CADPS2: variants seen among roughly 807,000 people sequenced by gnomAD.
CADPS2 encodes the protein calcium-dependent secretion activator 2.
In CADPS2, 93 loss-of-function variants were observed where a neutral mutation model predicts 172.5. The observed-to-expected ratio is 0.54, with a 90% CI of 0.46 to 0.64. The LOEUF (loss-of-function observed/expected upper bound fraction) is 0.64, where lower values mean the gene tolerates loss of function less well. Ranked by LOEUF, CADPS2 falls within the 30% of genes least tolerant of loss-of-function variation. The pLI is 0.00. For synonymous variants in CADPS2, 546 were observed against 555.2 expected (o/e 0.98, Z 0.23); for missense variants, 1,420 against 1,565.9 (o/e 0.91, Z 1.57).
chr7:122,722,140 G>T (rs2137127837), intron 2 of CADPS2, among the ~76,000 whole-genome samples: 1 of 152,194 alleles, frequency 6.6e-6, no homozygotes, highest in East Asian at 1.9e-4. Flanking sequence ...ACAACACAGG[G>T]ATGCCCTCTC....
intron 2 of CADPS2, chr7:122,702,175 C>T: frequency 6.2e-7 from 1 of 1,613,702 alleles, no homozygotes; most frequent in South Asian, 1.1e-5. Context: ...TAAATAGATA[C>T]ATGATGTAAT....
chr7:122,846,181 T>G (rs1811942402), intron 1 of CADPS2, among the ~76,000 whole-genome samples: 1 of 152,092 alleles, frequency 6.6e-6, no homozygotes, highest in Non-Finnish European at 1.5e-5. Flanking sequence ...AAATATTAAG[T>G]GATAAAGGTA....
rs1287767680 is a variant in CADPS2 at position 122,404,821 on chromosome 7, G to A, written c.2746+2719C>T. Among the ~76,000 whole-genome samples the A allele has an allele frequency of 3.3e-5, 5 of 152,218 alleles. No homozygotes were observed. The South Asian group carries it at 6.2e-4, about 19-fold the overall frequency. On this transcript the variant is annotated intron_variant, in intron 20 of 29. Transcript: ENST00000449022. The stretch of plus-strand genomic sequence containing the variant: ...AGTTTTCATTCAAATAGAGAAAACA[G>A]TGTTAAAAAATATCTTACATATGGC...
chr7:122,694,889 G>A (rs528197495), intron 2 of CADPS2, among the ~76,000 whole-genome samples: 1 of 152,298 alleles, frequency 6.6e-6, no homozygotes, highest in South Asian at 2.1e-4. Context: ...GTAGCAGCAT[G>A]TAAAAATTTC....
At chr7:122,590,486 G>C (rs900657020) in intron 6 of CADPS2, among the ~76,000 whole-genome samples, 2 of 151,872 alleles carry the variant, frequency 1.3e-5, no homozygotes, top group African/African-American at 4.8e-5. Flanking sequence ...CATTCCCCTT[G>C]TATGGCTGCG....
At chr7:122,881,787 T>C (rs750651045) in intron 1 of CADPS2, among the ~76,000 whole-genome samples, 6 of 152,198 alleles carry the variant, frequency 3.9e-5, no homozygotes, top group Non-Finnish European at 8.8e-5. Flanking sequence ...CCAACAGGTA[T>C]TACCATTTTT....
chr7:122,376,829 T>C (rs1406066185), intron 25 of CADPS2, among the ~76,000 whole-genome samples: 1 of 152,156 alleles, frequency 6.6e-6, no homozygotes, highest in Non-Finnish European at 1.5e-5. Context: ...GGTTGTATAC[T>C]TACCTACAAA....
At chr7:122,857,602 G>A (rs1284519191) in intron 1 of CADPS2, among the ~76,000 whole-genome samples, 1 of 152,122 alleles carries the variant, frequency 6.6e-6, no homozygotes, top group Admixed American at 6.5e-5. Context: ...CAATTATGAG[G>A]TCCTGACATT....
At chr7:122,478,039 A>T (rs969081552) in intron 12 of CADPS2, among the ~76,000 whole-genome samples, 2 of 152,144 alleles carry the variant, frequency 1.3e-5, no homozygotes, top group Non-Finnish European at 2.9e-5. Flanking sequence ...ATAAAGATAT[A>T]TTTTCACATA....
intron 20 of CADPS2, among the ~76,000 whole-genome samples, chr7:122,404,238 C>A (rs2057787): frequency 6.6e-6 from 1 of 151,306 alleles, no homozygotes; most frequent in Non-Finnish European, 1.5e-5. Context: ...TGAGAATATA[C>A]GGTGTTTGGT....
intron 6 of CADPS2, among the ~76,000 whole-genome samples, chr7:122,601,173 T>A (rs2072711895): frequency 6.6e-6 from 1 of 152,064 alleles, no homozygotes; most frequent in Admixed American, 6.6e-5. Context: ...TTGGCAGAAC[T>A]ATATAAAATT....
intron 1 of CADPS2, among the ~76,000 whole-genome samples, chr7:122,876,363 T>C (rs1821208086): frequency 6.6e-6 from 1 of 152,130 alleles, no homozygotes; most frequent in East Asian, 1.9e-4. Flanking sequence ...TCTAATTTTA[T>C]ATTTATTTTT....
chr7:122,727,458 A>G (rs189829344), intron 2 of CADPS2, among the ~76,000 whole-genome samples: 5 of 151,816 alleles, frequency 3.3e-5, no homozygotes, highest in Admixed American at 2.6e-4. Flanking sequence ...ATATAGATGT[A>G]CTATCCTTTT....
At chr7:122,385,633 C>G (rs2043553529) in intron 24 of CADPS2, among the ~76,000 whole-genome samples, 1 of 152,030 alleles carries the variant, frequency 6.6e-6, no homozygotes, top group Non-Finnish European at 1.5e-5. Context: ...CCTTGTACCT[C>G]AGGGATTCTG....
intron 1 of CADPS2, among the ~76,000 whole-genome samples, chr7:122,791,635 A>G (rs1246963815): frequency 7.2e-6 from 1 of 138,314 alleles, no homozygotes; most frequent in East Asian, 2.1e-4. Flanking sequence ...ATTTAATAAC[A>G]CTAACCATGG....
chr7:122,734,356 TAAAAAAAAAAAAAA>T (rs558421546), intron 2 of CADPS2, among the ~76,000 whole-genome samples: 7 of 46,278 alleles, frequency 1.5e-4, no homozygotes, highest in African/African-American at 3.6e-4. Flanking sequence ...CCAGAAATAG[TAAAAAAAAAAAAAA>T]AAAAAAAAAA....
chr7:122,342,944 A>G (rs1367143058), intron 28 of CADPS2, among the ~76,000 whole-genome samples: 2 of 152,138 alleles, frequency 1.3e-5, no homozygotes, highest in African/African-American at 4.8e-5. Context: ...ACACCTAACA[A>G]TATTATTTTA....
intron 1 of CADPS2, among the ~76,000 whole-genome samples, chr7:122,795,333 C>T (rs1033565855): frequency 2.8e-4 from 43 of 151,918 alleles, no homozygotes; most frequent in African/African-American, 1.0e-3. Flanking sequence ...TGAACACTTC[C>T]GTGCACATAA....
chr7:122,871,406 T>C (rs1449190908), intron 1 of CADPS2, among the ~76,000 whole-genome samples: 1 of 151,952 alleles, frequency 6.6e-6, no homozygotes, highest in African/African-American at 2.4e-5. Context: ...TTTTTAATTA[T>C]TATAAAACAA....
Sources: gnomAD v4.1 joint callset for allele counts (sites outside exome capture counted in the v4.1 genomes callset) on GRCh38, gnomAD v4.1.1 for gene constraint, MANE v1.5 for transcripts, NCBI Gene and HGNC (gene_info 2026-07-23, HGNC 2026-07-21) for gene names.